The following EVA1A variants were observed in gnomAD, a reference collection of about 807,000 sequenced individuals.
EVA1A encodes the protein eva-1 homolog A, regulator of programmed cell death, also known as protein eva-1 homolog A.
Under a neutral mutation model 9.8 loss-of-function variants are expected in EVA1A, and 7 were observed. The observed-to-expected ratio is 0.71, with a 90% CI of 0.41 to 1.34. EVA1A has a LOEUF of 1.34. EVA1A is among the 40% of genes most tolerant of loss of function. The pLI, the probability that EVA1A is intolerant of heterozygous loss-of-function variation, is 0.01. For missense variants in EVA1A, 206 were observed against 205.9 expected, an observed-to-expected ratio of 1.00 and a Z score of 0.00; for synonymous variants, 90 against 85.6, an observed-to-expected ratio of 1.05 and a Z score of -0.28.
At chr2:75,555,322 T>TCTCTCTCTCTCTCTCC (rs1676669961) in intron 1 of EVA1A, among the ~76,000 whole-genome samples, 2 of 147,650 alleles carry the variant, frequency 1.4e-5, no homozygotes, top group Non-Finnish European at 3.0e-5. Context: ...TCTCTCTCTC[T>TCTCTCTCTCTCTCTCC]CTCTCTCTCT....
chr2:75,517,990 C>A (rs1488810917), intron 3 of EVA1A, 66 bp downstream of exon 3: 1 of 1,592,442 alleles, frequency 6.3e-7, no homozygotes, highest in Non-Finnish European at 8.6e-7. Context: ...GAGATGGCCA[C>A]CCAGGAGACA....
rs199925218 is a variant in EVA1A, at chr2:75,493,391, G to T, written c.304C>A (p.Arg102Ser). 9 of 1,614,244 alleles carry T rather than the reference G, an allele frequency of 5.6e-6. No homozygotes were observed. The highest frequency in any genetic ancestry group is 7.6e-6 in the Non-Finnish European group (9 of 1,180,050). ...VSDLSVRRHR[R>S]FERTLNKNVF... Reference sequence around the variant, plus strand: ...TTCTTGTTCAAAGTCCTCTCGAAGCGGCGGTGTCTCCGCACGGAGAGATCG... The same window carrying T: ...TTCTTGTTCAAAGTCCTCTCGAAGCTGCGGTGTCTCCGCACGGAGAGATCG... Residue 102 changes from arginine to serine, a missense_variant, in exon 4 of 4, where the codon CGC (arginine) becomes AGC (serine). By Grantham distance (110) the Arg-to-Ser change is moderately radical. Coordinates refer to ENST00000393913, the MANE Select transcript of EVA1A (RefSeq NM_001135032.2).
chr2:75,539,481 T>G, intron 1 of EVA1A, among the ~76,000 whole-genome samples: 1 of 152,196 alleles, frequency 6.6e-6, no homozygotes. Context: ...ACGAGGCTAA[T>G]GATTCCCACC....
rs200050176 is a variant in EVA1A at position 75,492,409 on chromosome 2, A to AT, written c.*826dup. The stretch of plus-strand genomic sequence containing the variant: ...TTTCCATTCTTTTCTTTGAAATCCA[A>AT]TTAAAAAAAAAAAAAAAAACAAAGT... On this transcript the variant is annotated 3_prime_UTR_variant, in exon 4 of 4. Transcript: ENST00000393913. 3,743 of 55,286 alleles carry AT rather than the reference A, an allele frequency of 0.068. 49 individuals carry two copies. The highest frequency in any genetic ancestry group is 0.11 in the South Asian group (127 of 1,116). The allele number at this position is 55,286 out of a possible 1,614,324, so 3.4% of individuals were successfully genotyped here. A position where few individuals can be genotyped will look rare whatever the true frequency, so the allele number is the denominator to read the frequency against.
At chr2:75,508,333 T>C (rs1217553358) in intron 3 of EVA1A, among the ~76,000 whole-genome samples, 1 of 152,072 alleles carries the variant, frequency 6.6e-6, no homozygotes, top group Non-Finnish European at 1.5e-5. Flanking sequence ...ATGGGAGAAA[T>C]ATCGCTGAAT....
upstream of EVA1A, among the ~76,000 whole-genome samples, chr2:75,565,201 T>A (rs1677002796): frequency 6.6e-6 from 1 of 152,182 alleles, no homozygotes; most frequent in South Asian, 2.1e-4. Flanking sequence ...TACACTCAGC[T>A]CTCAGCTGGG....
intron 1 of EVA1A, among the ~76,000 whole-genome samples, chr2:75,556,082 A>G (rs991092675): frequency 6.6e-6 from 1 of 152,214 alleles, no homozygotes; most frequent in Non-Finnish European, 1.5e-5. Context: ...GGTACAAACC[A>G]GGTCTTCATC....
Position 75,507,154 on chromosome 2 carries a change from A to C in EVA1A, c.85+10902T>G, listed in dbSNP as rs1674645502. The stretch of plus-strand genomic sequence containing the variant: ...CTCCCTCTTACCTTATGGATAACTG[A>C]CGTGTGGAGGTGGATCTATGGATTA... On this transcript the variant is annotated intron_variant, in intron 3 of 3. Coordinates refer to ENST00000393913, the MANE Select transcript of EVA1A (RefSeq NM_001135032.2). 2.0e-5 allele frequency among the ~76,000 whole-genome samples: 3 copies of C among 152,166 alleles called. No individual in the cohort carries two copies. The South Asian group carries it at 6.2e-4, about 32-fold the overall frequency.
chr2:75,526,353 A>G lies in EVA1A; in HGVS notation c.-191-3866T>C, dbSNP rs530446150. ...TTGAATGTTGAGCAACTGCATATTA[A>G]TTTAACTACTGAGTATTAATTTAAT... is the stretch of plus-strand genomic sequence containing the variant. On this transcript the variant is annotated intron_variant, in intron 1 of 3. Coordinates refer to ENST00000393913, the MANE Select transcript of EVA1A (RefSeq NM_001135032.2). 3.9e-5 allele frequency among the ~76,000 whole-genome samples: 6 copies of G among 152,368 alleles called. No homozygotes were observed. The South Asian group carries it at 1.0e-3, about 26-fold the overall frequency.
chr2:75,550,492 G>A (rs1022191572), intron 1 of EVA1A, among the ~76,000 whole-genome samples: 2 of 152,076 alleles, frequency 1.3e-5, no homozygotes, highest in African/African-American at 4.8e-5. Flanking sequence ...AATTCCCCAT[G>A]CCTGAAGTGG....
intron 3 of EVA1A, among the ~76,000 whole-genome samples, chr2:75,498,288 G>A (rs1005623698): frequency 5.4e-5 from 8 of 147,826 alleles, no homozygotes; most frequent in Admixed American, 4.0e-4. Flanking sequence ...CTGGGTAAAC[G>A]TGGACATAAA....
At chr2:75,507,866 T>C (rs943979989) in intron 3 of EVA1A, among the ~76,000 whole-genome samples, 1 of 152,204 alleles carries the variant, frequency 6.6e-6, no homozygotes, top group Non-Finnish European at 1.5e-5. Context: ...AGGACCTTTG[T>C]TGCGGGAAGT....
intron 1 of EVA1A, among the ~76,000 whole-genome samples, chr2:75,549,224 T>C (rs1253874759): frequency 6.6e-6 from 1 of 151,890 alleles, no homozygotes; most frequent in Non-Finnish European, 1.5e-5. Context: ...GGAATCAGTG[T>C]GGAACATGTA....
chr2:75,496,757 C>T (rs900208280), intron 3 of EVA1A, among the ~76,000 whole-genome samples: 10 of 152,072 alleles, frequency 6.6e-5, no homozygotes, highest in African/African-American at 2.2e-4. Context: ...AAAAGAAAAG[C>T]CAGAGGCATC....
chr2:75,526,286 GCAGAGGACC>G (rs1675434386), intron 1 of EVA1A: 1 of 152,216 alleles, frequency 6.6e-6, no homozygotes, highest in Non-Finnish European at 1.5e-5. Context: ...AGGTAGCAAT[GCAGAGGACC>G]CATAAAGACT....
At chr2:75,497,668 T>C (rs1674259431) in intron 3 of EVA1A, among the ~76,000 whole-genome samples, 1 of 151,668 alleles carries the variant, frequency 6.6e-6, no homozygotes, top group African/African-American at 2.4e-5. Flanking sequence ...CTGGGCAACA[T>C]GGTGGAAAAC....
intron 3 of EVA1A, among the ~76,000 whole-genome samples, chr2:75,516,172 T>C (rs752576399): frequency 1.2e-4 from 19 of 152,374 alleles, no homozygotes; most frequent in Admixed American, 2.6e-4. Context: ...ATACTTTTCA[T>C]CATTGCTTCC....
chr2:75,556,256 A>T (rs1676708837), intron 1 of EVA1A, among the ~76,000 whole-genome samples: 1 of 152,216 alleles, frequency 6.6e-6, no homozygotes, highest in African/African-American at 2.4e-5. Flanking sequence ...TTTCACAGAG[A>T]ATACAGCTCA....
chr2:75,494,372 AC>A (rs758377436), intron 3 of EVA1A, among the ~76,000 whole-genome samples: 4 of 152,206 alleles, frequency 2.6e-5, no homozygotes, highest in Admixed American at 2.0e-4. Context: ...CCGAGGGACG[AC>A]TGTAGGATAT....
Sources: allele counts gnomAD v4.1 joint callset (sites outside exome capture counted in the v4.1 genomes callset), GRCh38; gene constraint gnomAD v4.1.1; transcripts MANE v1.5; gene names NCBI Gene and HGNC (gene_info 2026-07-23, HGNC 2026-07-21).